Variants in CNTNAP4 observed in about 807,000 individuals in gnomAD.
The protein encoded by CNTNAP4 is contactin associated protein family member 4.
In CNTNAP4, 98 loss-of-function variants were observed where a neutral mutation model predicts 148.4. That is an observed-to-expected ratio of 0.66 (90% CI 0.56 to 0.78). The LOEUF is 0.78. Ranked by LOEUF, CNTNAP4 falls within the 30% of genes least tolerant of loss-of-function variation. The probability of loss-of-function intolerance (pLI) is 0.00; values close to 1 mark genes in which losing one functional copy is unlikely to be tolerated. For synonymous variants in CNTNAP4, 730 were observed against 565.1 expected, an observed-to-expected ratio of 1.29 and a Z score of -4.14; for missense variants, 1,935 against 1,565.6, an observed-to-expected ratio of 1.24 and a Z score of -3.98.
At chr16:76,421,961 C>T (rs2079205886) in intron 3 of CNTNAP4, among the ~76,000 whole-genome samples, 1 of 152,152 alleles carries the variant, frequency 6.6e-6, no homozygotes, top group South Asian at 2.1e-4. Flanking sequence ...TTACAAATTG[C>T]CATATGGGCA....
chr16:76,350,607 A>T (rs1471032148), intron 2 of CNTNAP4, among the ~76,000 whole-genome samples: 1 of 152,212 alleles, frequency 6.6e-6, no homozygotes, highest in Non-Finnish European at 1.5e-5. Context: ...ATTTTTTCAA[A>T]GCTCAACTTT....
At chr16:76,549,156 A>G (rs1197076380) in intron 21 of CNTNAP4, among the ~76,000 whole-genome samples, 3 of 152,138 alleles carry the variant, frequency 2.0e-5, no homozygotes, top group African/African-American at 7.2e-5. Context: ...GCCAGCCTAG[A>G]AGAATCTCAG....
At chr16:76,447,329 T>C (rs894462982) in intron 4 of CNTNAP4, among the ~76,000 whole-genome samples, 6 of 126,800 alleles carry the variant, frequency 4.7e-5, no homozygotes, top group African/African-American at 1.7e-4. Flanking sequence ...ATTATATATA[T>C]GAAATTATGT....
At position 76,382,957 on chromosome 16, in the gene CNTNAP4, A is replaced by G. The variant is rs140102228; in HGVS notation, c.390+27446A>G. On this transcript the variant is annotated intron_variant, in intron 3 of 23. Coordinates refer to ENST00000611870, the MANE Select transcript of CNTNAP4 (RefSeq NM_033401.5). Reference sequence around the variant, plus strand: ...GCCAAATGAAGTAATTGAAACATCAATAATACCAGAAATGGACTGAAACAT... The same window carrying G: ...GCCAAATGAAGTAATTGAAACATCAGTAATACCAGAAATGGACTGAAACAT... Among the ~76,000 whole-genome samples the G allele has an allele frequency of 8.8e-3, 1,335 of 152,338 alleles. 15 individuals carry two copies. Among genetic ancestry groups the G allele is most frequent in the African/African-American group, 0.026 (1,062 of 41,582 alleles).
chr16:76,536,548 T>G (rs1471118751), intron 18 of CNTNAP4, among the ~76,000 whole-genome samples: 3 of 152,162 alleles, frequency 2.0e-5, no homozygotes, highest in South Asian at 2.1e-4. Context: ...ATATTTAAGA[T>G]GCATTGTTTT....
chr16:76,396,341 A>G (rs1239223036), intron 3 of CNTNAP4, among the ~76,000 whole-genome samples: 1 of 152,196 alleles, frequency 6.6e-6, no homozygotes, highest in South Asian at 2.1e-4. Context: ...CTATAGGCAC[A>G]CTAAGTTGGC....
chr16:76,403,073 C>CTGT (rs549577679), intron 3 of CNTNAP4, among the ~76,000 whole-genome samples: 147 of 151,494 alleles, frequency 9.7e-4, no homozygotes, highest in African/African-American at 3.2e-3. Context: ...GACATGAACA[C>CTGT]TGTTGTTGTT....
At chr16:76,284,711 A>T (rs1381977206) in intron 1 of CNTNAP4, among the ~76,000 whole-genome samples, 1 of 152,020 alleles carries the variant, frequency 6.6e-6, no homozygotes, top group Non-Finnish European at 1.5e-5. Context: ...AATTTCTTCC[A>T]TGAGCTCTTA....
At chr16:76,448,656 C>A (rs1445007431) in intron 5 of CNTNAP4, 111 bp from the exon 6 acceptor site, 1 of 734,188 alleles carries the variant, frequency 1.4e-6, no homozygotes, top group South Asian at 2.1e-5. Context: ...AAACGGAATG[C>A]GTAGAAGGAG....
intron 15 of CNTNAP4, among the ~76,000 whole-genome samples, chr16:76,517,227 G>C (rs560443732): frequency 6.6e-6 from 1 of 152,244 alleles, no homozygotes; most frequent in South Asian, 2.1e-4. Context: ...GGAGGAAAGC[G>C]GTTTTAGCTG....
intron 12 of CNTNAP4, among the ~76,000 whole-genome samples, chr16:76,481,055 A>G (rs1009229523): frequency 1.3e-5 from 2 of 152,222 alleles, no homozygotes; most frequent in Non-Finnish European, 2.9e-5. Flanking sequence ...AAATAAACCA[A>G]TAAAAACAAA....
chr16:76,304,107 T>C (rs1960247033), intron 1 of CNTNAP4, among the ~76,000 whole-genome samples: 1 of 152,168 alleles, frequency 6.6e-6, no homozygotes, highest in African/African-American at 2.4e-5. Context: ...AACTACTCTT[T>C]ATCTGCTGAC....
intron 21 of CNTNAP4, among the ~76,000 whole-genome samples, chr16:76,552,846 T>A (rs796781592): frequency 6.6e-6 from 1 of 152,282 alleles, no homozygotes; most frequent in South Asian, 2.1e-4. Context: ...AGAGGCTCAA[T>A]TTTCTCTCTA....
At chr16:76,319,748 C>T (rs1224933622) in intron 2 of CNTNAP4, among the ~76,000 whole-genome samples, 3 of 152,034 alleles carry the variant, frequency 2.0e-5, no homozygotes, top group Non-Finnish European at 4.4e-5. Context: ...CCAAGAAATG[C>T]GAAGGATTGC....
chr16:76,317,401 A>C (rs1187999143), intron 2 of CNTNAP4, among the ~76,000 whole-genome samples: 1 of 152,306 alleles, frequency 6.6e-6, no homozygotes, highest in Middle Eastern at 3.4e-3. Flanking sequence ...TGCTGTAGAA[A>C]TAAGACAGAA....
intron 3 of CNTNAP4, among the ~76,000 whole-genome samples, chr16:76,357,670 T>A (rs1165964246): frequency 6.6e-6 from 1 of 152,206 alleles, no homozygotes. Context: ...CAGTCAAATA[T>A]TAAATGTTTA....
chr16:76,484,093 A>C (rs1307279656), intron 12 of CNTNAP4, among the ~76,000 whole-genome samples: 1 of 122,870 alleles, frequency 8.1e-6, no homozygotes, highest in African/African-American at 3.0e-5. Context: ...TATAGAAGAT[A>C]TATCTTTGAT....
rs182197207 is a variant in CNTNAP4, at chr16:76,332,981, C to T, written c.196+16458C>T. On this transcript the variant is annotated intron_variant, in intron 2 of 23. Coordinates refer to ENST00000611870, the MANE Select transcript of CNTNAP4 (RefSeq NM_033401.5). The stretch of plus-strand genomic sequence containing the variant: ...GGAAGGTCTGTGTCTGGAGACCATT[C>T]CCAGAGTTTTGGGAATTACTCCCCT... Among the ~76,000 whole-genome samples, 279 of 152,288 alleles carry T rather than the reference C, an allele frequency of 1.8e-3. 1 individual carries two copies. Among genetic ancestry groups the T allele is most frequent in the Middle Eastern group, 0.017 (5 of 294 alleles).
At chr16:76,505,186 A>G (rs2082799589) in intron 15 of CNTNAP4, among the ~76,000 whole-genome samples, 1 of 152,152 alleles carries the variant, frequency 6.6e-6, no homozygotes. Context: ...GCTTTATTCC[A>G]TAGTCCCCTA....
Sources: allele counts gnomAD v4.1 joint callset (sites outside exome capture counted in the v4.1 genomes callset), GRCh38; gene constraint gnomAD v4.1.1; transcripts MANE v1.5; gene names NCBI Gene and HGNC (gene_info 2026-07-23, HGNC 2026-07-21).